SPATA21: variants seen among roughly 807,000 people sequenced by gnomAD.
The protein encoded by SPATA21 is spermatogenesis associated 21, also known as spermatogenesis-associated protein 21.
A neutral mutation model predicts 54.8 loss-of-function variants in SPATA21; 47 were observed. The observed-to-expected ratio is 0.86, with a 90% CI of 0.68 to 1.09. The LOEUF (loss-of-function observed/expected upper bound fraction) is 1.09, where lower values mean the gene tolerates loss of function less well. Among genes scored for constraint, SPATA21 ranks in the 50% least tolerant of loss-of-function variants. The pLI, the probability that SPATA21 is intolerant of heterozygous loss-of-function variation, is 0.00. For synonymous variants in SPATA21, 245 were observed against 235.3 expected, an observed-to-expected ratio of 1.04 and a Z score of -0.38; for missense variants, 599 against 596.4, an observed-to-expected ratio of 1.00 and a Z score of -0.05.
At chr1:16,410,854 G>A in intron 5 of SPATA21, 2 of 391,736 alleles carry the variant, frequency 5.1e-6, no homozygotes, top group South Asian at 1.9e-5. Context: ...CTGAGCCATG[G>A]TCTTGAGTGA....
intron 5 of SPATA21, among the ~76,000 whole-genome samples, chr1:16,420,623 G>C (rs1326424544): frequency 6.6e-6 from 1 of 152,122 alleles, no homozygotes; most frequent in Admixed American, 6.6e-5. Flanking sequence ...ATCATGTGGT[G>C]GGGGGAGGGG....
At chr1:16,437,744 T>A (rs1381667046), upstream of SPATA21, among the ~76,000 whole-genome samples, 3 of 152,106 alleles carry the variant, frequency 2.0e-5, no homozygotes, top group Non-Finnish European at 4.4e-5. Context: ...TTTGTTAGAC[T>A]GAACAGAACT....
intron 3 of SPATA21, chr1:16,425,324 A>C: frequency 3.0e-6 from 2 of 668,222 alleles, no homozygotes; most frequent in Non-Finnish European, 5.4e-6. Flanking sequence ...TCTGTCACCC[A>C]GGCTGGAGTG....
Position 16,409,001 on chromosome 1 carries a change from T to C in SPATA21, c.673+117A>G. On this transcript the variant is annotated intron_variant, in intron 7 of 12. Transcript: ENST00000335496. The surrounding 1 kb of genome is among the most constrained non-coding windows in gnomAD (Gnocchi z 4.1). ...TGCAGAAAACCCCTGCTGGGTCTGC[T>C]ACACATGGCGGCAGCCATGTGATCT... The C allele has an allele frequency of 9.4e-7, 1 of 1,066,178 alleles. No individual in the cohort carries two copies. The highest frequency in any genetic ancestry group is 1.4e-6 in the Non-Finnish European group (1 of 721,084). The allele number at this position is 1,066,178 out of a possible 1,614,324, so 66.0% of individuals were successfully genotyped here. A position where few individuals can be genotyped will look rare whatever the true frequency, so the allele number is the denominator to read the frequency against.
Position 16,429,130 on chromosome 1 carries a change from G to A in SPATA21, c.34+2208C>T, listed in dbSNP as rs567916005. Among the ~76,000 whole-genome samples the A allele has an allele frequency of 7.9e-5, 12 of 152,266 alleles. 1 individual carries two copies. In the South Asian group the frequency reaches 1.9e-3, roughly 24 times the overall value. On this transcript the variant is annotated intron_variant, in intron 3 of 12. Transcript: ENST00000335496. The stretch of plus-strand genomic sequence containing the variant: ...CAGAGGCTACAGGGAACATACCCAA[G>A]GGCATGTTGACTTTTTATTTTTTTT...
chr1:16,415,334 C>CT (rs1570153651), intron 5 of SPATA21, among the ~76,000 whole-genome samples: 1 of 140,284 alleles, frequency 7.1e-6, no homozygotes, highest in East Asian at 3.7e-4. Flanking sequence ...GAATGTGACC[C>CT]TCAAAAAAAA....
Position 16,398,664 on chromosome 1 carries a change from G to T in SPATA21, c.*101C>A. 1 of 1,328,430 alleles carries T rather than the reference G, an allele frequency of 7.5e-7. No homozygotes were observed. Among genetic ancestry groups the T allele is most frequent in the Non-Finnish European group, 1.1e-6 (1 of 933,724 alleles). 82.3% of individuals were successfully genotyped at this position (1,328,430 alleles called of 1,614,324 possible). ...AGGCTGAAGTTATTGGTGTTTATTA[G>T]CTCACCAGGCCACAAAAGCAAATCC... On this transcript the variant is annotated 3_prime_UTR_variant, in exon 13 of 13. Transcript: ENST00000335496.
chr1:16,396,295 C>CG (rs2100760762), downstream of SPATA21: 1 of 152,416 alleles, frequency 6.6e-6, no homozygotes, highest in East Asian at 1.9e-4. Context: ...AGCTCAGTAA[C>CG]TATACCTGGT....
chr1:16,422,597 C>A (rs1220191439), intron 3 of SPATA21, among the ~76,000 whole-genome samples: 1 of 151,662 alleles, frequency 6.6e-6, no homozygotes, highest in Admixed American at 6.6e-5. Context: ...CCTTGACCTC[C>A]TGAGCTCAAG....
In SPATA21 at chr1:16,404,898, A is replaced by G. The variant is rs2085578717; in HGVS notation, c.811+69T>C. ...TCCTTTAGGTGCAGAGCCTCATGCA[A>G]CTGCACAGGTTTCAAGCCAGTGAAG... On this transcript the variant is annotated intron_variant, in intron 8 of 12. Transcript: ENST00000335496. 1.4e-5 allele frequency: 20 copies of G among 1,461,150 alleles called. 1 individual carries two copies. The highest frequency in any genetic ancestry group is 2.2e-4 in the Middle Eastern group (1 of 4,490). 90.5% of individuals were successfully genotyped at this position (1,461,150 alleles called of 1,614,324 possible).
At chr1:16,396,242 A>C (rs1326822954), downstream of SPATA21, 1 of 152,326 alleles carries the variant, frequency 6.6e-6, no homozygotes, top group Non-Finnish European at 1.5e-5. Flanking sequence ...GCATGGCTTG[A>C]ACTCTTAGGG....
At chr1:16,426,067 T>C (rs1410871570) in intron 3 of SPATA21, among the ~76,000 whole-genome samples, 2 of 152,020 alleles carry the variant, frequency 1.3e-5, no homozygotes, top group Admixed American at 1.3e-4. Flanking sequence ...AGTTTTATAG[T>C]ATTTTTAAAC....
rs2085424564 is a variant in SPATA21, at chr1:16,400,842, TC to T, written c.1051del (p.Glu351LysfsTer4). The T allele has an allele frequency of 6.2e-7, 1 of 1,614,102 alleles. No individual in the cohort carries two copies. Among genetic ancestry groups the T allele is most frequent in the African/African-American group, 1.3e-5 (1 of 74,940 alleles). Reference sequence around the variant, plus strand: ...CAACCGCAGCCGGCCTACGGCCGCTTCCATCTCCTGGGCCTTGCAGGTGCCT... The same window carrying T: ...CAACCGCAGCCGGCCTACGGCCGCTTCATCTCCTGGGCCTTGCAGGTGCCT... The part of the protein sequence containing the change: ...KEGTCKAQEM[E>X]AAVGRLRLQK... On this transcript the variant is annotated frameshift_variant, in exon 11 of 13. Coordinates refer to ENST00000335496, the MANE Select transcript of SPATA21 (RefSeq NM_198546.1). LOFTEE classifies it high-confidence loss of function.
At chr1:16,432,116 T>TCTTCTTCTTC (rs201347435) in intron 2 of SPATA21, among the ~76,000 whole-genome samples, 1 of 64,888 alleles carries the variant, frequency 1.5e-5, no homozygotes, top group African/African-American at 5.0e-5. Context: ...TTCTTCTTCT[T>TCTTCTTCTTC]TTTTTTTTTT....
intron 5 of SPATA21, among the ~76,000 whole-genome samples, chr1:16,413,311 C>T (rs1328828922): frequency 2.0e-5 from 3 of 152,208 alleles, no homozygotes; most frequent in Admixed American, 2.0e-4. Flanking sequence ...GCATAACATC[C>T]TCAAAGCTCA....
In SPATA21 at chr1:16,431,406, C is replaced by T. The variant is rs755784596; in HGVS notation, c.-35G>A. On this transcript the variant is annotated 5_prime_UTR_variant, in exon 3 of 13. It removes an upstream start codon present in the reference 5' UTR. Transcript: ENST00000335496. ...GCCAACACGGGTGCCAAGTGAGGGG[C>T]ATCACCTAGTGTGCTCCTACAGGAG... 1.7e-5 allele frequency: 28 copies of T among 1,613,236 alleles called. No homozygotes were observed. In the African/African-American group the frequency reaches 3.6e-4, roughly 21 times the overall value.
intron 3 of SPATA21, among the ~76,000 whole-genome samples, chr1:16,423,989 G>A (rs2086245857): frequency 6.6e-6 from 1 of 151,638 alleles, no homozygotes. Context: ...CTAGTGGGAG[G>A]GGGGATGAGA....
chr1:16,409,190 C>G lies in SPATA21; in HGVS notation c.601G>C (p.Glu201Gln). The G allele has an allele frequency of 6.2e-7, 1 of 1,614,144 alleles. No homozygotes were observed. The highest frequency in any genetic ancestry group is 1.1e-5 in the South Asian group (1 of 91,070). ...TGATAAAGCTTTTGGAGGCTCTGCT[C>G]TTCCGGCTCCTGCCTGCAGAGGACA... is the stretch of plus-strand genomic sequence containing the variant. The part of the protein sequence containing the change: ...SYAKARQEPE[E>Q]QSLQKLYQNR... Residue 201 changes from glutamate (E) to glutamine (Q), a missense_variant, in exon 7 of 13, where the codon GAG becomes CAG. Transcript: ENST00000335496. The surrounding 1 kb of genome is among the most constrained non-coding windows in gnomAD (Gnocchi z 4.1).
chr1:16,414,001 A>G (rs1271798926), intron 5 of SPATA21, among the ~76,000 whole-genome samples: 5 of 150,712 alleles, frequency 3.3e-5, no homozygotes, highest in African/African-American at 9.8e-5. Flanking sequence ...CCTTGTCAAC[A>G]CTTGTTATTT....
Sources: gnomAD v4.1 joint callset for allele counts (sites outside exome capture counted in the v4.1 genomes callset) on GRCh38, gnomAD v4.1.1 for gene constraint, Gnocchi (gnomAD v3.1) non-coding constraint, MANE v1.5 for transcripts, NCBI Gene and HGNC (gene_info 2026-07-23, HGNC 2026-07-21) for gene names.